IP6K3: variants seen among roughly 807,000 people sequenced by gnomAD.
IP6K3 encodes the protein ATP:1D-myo-inositol-hexakisphosphate phosphotransferase.
In IP6K3, 20 loss-of-function variants were observed where a neutral mutation model predicts 28.8. That is an observed-to-expected ratio of 0.70 (90% confidence interval 0.49 to 1.01). The LOEUF (loss-of-function observed/expected upper bound fraction) is 1.01, where lower values mean the gene tolerates loss of function less well. IP6K3 is among the 50% of genes least tolerant of loss of function. The pLI is 0.00. For missense variants in IP6K3, 480 were observed against 537.1 expected, an observed-to-expected ratio of 0.89 and a Z score of 1.05; for synonymous variants, 213 against 221.3, an observed-to-expected ratio of 0.96 and a Z score of 0.33.
In IP6K3 at chr6:33,723,188, C is replaced by G. The variant is rs1382710983; in HGVS notation, c.766-1G>C. 4 of 1,542,948 alleles carry G rather than the reference C, an allele frequency of 2.6e-6. No individual in the cohort carries two copies. The highest frequency in any genetic ancestry group is 3.5e-6 in the Non-Finnish European group (4 of 1,141,930). On this transcript the variant is annotated splice_acceptor_variant, in intron 5 of 5. Transcript: ENST00000293756. LOFTEE classifies it high-confidence loss of function. ...AGTACTTCTTATCTGTTTGATAAAC[C>G]TTACATTAAAAAGAATAAAGAAAAT...
rs1267840567 is a variant in IP6K3, at chr6:33,722,671, T to A, written c.*49A>T. ...GGACTACCCTAGCAACCAACAGGTC[T>A]CTATTTGAGATCTATAGCCCAGAAG... is the stretch of plus-strand genomic sequence containing the variant. On this transcript the variant is annotated 3_prime_UTR_variant, in exon 6 of 6. Transcript: ENST00000293756. 1 of 1,318,708 alleles carries A rather than the reference T, an allele frequency of 7.6e-7. No homozygotes were observed. Among genetic ancestry groups the A allele is most frequent in the Admixed American group, 2.0e-5 (1 of 50,092 alleles). The allele number at this position is 1,318,708 out of a possible 1,614,324, so 81.7% of individuals were successfully genotyped here.
At chr6:33,724,960 G>A (rs1179394730) in intron 5 of IP6K3, among the ~76,000 whole-genome samples, 1 of 152,150 alleles carries the variant, frequency 6.6e-6, no homozygotes, top group Non-Finnish European at 1.5e-5. Context: ...ATCCAGTGTG[G>A]GCCGGGCGCA....
At position 33,742,629 on chromosome 6, in the gene IP6K3, C is replaced by A. The variant is rs574641735; in HGVS notation, c.-180+4129G>T. Among the ~76,000 whole-genome samples the A allele has an allele frequency of 9.2e-5, 14 of 152,188 alleles. No individual in the cohort carries two copies. The highest frequency in any genetic ancestry group is 2.1e-4 in the Non-Finnish European group (14 of 68,032). On this transcript the variant is annotated intron_variant, in intron 1 of 5. Coordinates refer to ENST00000293756, the MANE Select transcript of IP6K3 (RefSeq NM_054111.5). This position sits in a 1 kb window ranked among gnomAD's most constrained non-coding sequence, Gnocchi z 4.5. ...AATCCCCTAGAGGCACGATAATTCT[C>A]AAATGTATGTAAATATGTTGGTAAT...
the IP6K3 span, among the ~76,000 whole-genome samples, chr6:33,755,884 G>C: frequency 7.2e-5 from 11 of 152,132 alleles, no homozygotes; most frequent in African/African-American, 2.7e-4. Context: ...TATTTTTTGA[G>C]ATGGAGTCTT....
At chr6:33,731,463 G>A (rs1371710361) in intron 2 of IP6K3, among the ~76,000 whole-genome samples, 1 of 152,228 alleles carries the variant, frequency 6.6e-6, no homozygotes, top group Non-Finnish European at 1.5e-5. Context: ...GAGAGCAGAG[G>A]TGCAAATAAC....
At chr6:33,731,520 A>G (rs556126017) in intron 2 of IP6K3, among the ~76,000 whole-genome samples, 1 of 152,246 alleles carries the variant, frequency 6.6e-6, no homozygotes, top group South Asian at 2.1e-4. Flanking sequence ...TCATATTGTC[A>G]GAGTTACACA....
At chr6:33,760,909 C>T in the IP6K3 span, among the ~76,000 whole-genome samples, 3 of 152,202 alleles carry the variant, frequency 2.0e-5, no homozygotes, top group African/African-American at 4.8e-5. Context: ...CCTGCTCTCT[C>T]GATGGGCCTC....
chr6:33,737,963 A>C (rs936929372), intron 1 of IP6K3, among the ~76,000 whole-genome samples: 2 of 152,254 alleles, frequency 1.3e-5, no homozygotes, highest in Admixed American at 6.5e-5. Context: ...AAATTGGCCC[A>C]CAAAAAAAGC....
chr6:33,739,563 G>C (rs762255727), intron 1 of IP6K3, among the ~76,000 whole-genome samples: 3 of 152,232 alleles, frequency 2.0e-5, no homozygotes, highest in Admixed American at 1.3e-4. Context: ...GGAAGAGTAG[G>C]GTTCTTTATC....
chr6:33,751,483 C>CGTGTGTGTGTGTGT (rs762389623), upstream of IP6K3, among the ~76,000 whole-genome samples: 354 of 61,580 alleles, frequency 5.7e-3, 2 homozygotes, highest in African/African-American at 0.013. This position sits in a 1 kb window ranked among gnomAD's most constrained non-coding sequence, Gnocchi z 4.3. Flanking sequence ...CTCTGCAGGC[C>CGTGTGTGTGTGTGT]GTGTGTGTGT....
upstream of IP6K3, among the ~76,000 whole-genome samples, chr6:33,751,011 C>T (rs557010854): frequency 6.6e-6 from 1 of 152,310 alleles, no homozygotes; most frequent in Non-Finnish European, 1.5e-5. The surrounding 1 kb of genome is among the most constrained non-coding windows in gnomAD (Gnocchi z 4.3). Flanking sequence ...GCTCCCCTCT[C>T]GCTGCACCCC....
chr6:33,725,883 A>G (rs1026669922), intron 4 of IP6K3, among the ~76,000 whole-genome samples: 5 of 152,118 alleles, frequency 3.3e-5, no homozygotes, highest in African/African-American at 1.2e-4. Context: ...TCCGAGGTTG[A>G]AATTTAAACG....
the IP6K3 span, among the ~76,000 whole-genome samples, chr6:33,758,969 G>A: frequency 1.3e-5 from 2 of 152,214 alleles, no homozygotes; most frequent in Admixed American, 6.5e-5. Context: ...ATATTTACGT[G>A]TCGTAACACT....
chr6:33,749,397 C>A (rs375664983), upstream of IP6K3, among the ~76,000 whole-genome samples: 1 of 152,118 alleles, frequency 6.6e-6, no homozygotes, highest in East Asian at 1.9e-4. Flanking sequence ...CTTATGCAAT[C>A]AAATAGGGCA....
Position 33,722,804 on chromosome 6 carries a change from G to A in IP6K3, c.1149C>T (p.Thr383=), listed in dbSNP as rs376075358. Residue 383 remains threonine (T), a synonymous_variant, in exon 6 of 6, where the codon ACC becomes ACT. Coordinates refer to ENST00000293756, the MANE Select transcript of IP6K3 (RefSeq NM_054111.5). ...AGCCAGGGTCTGGTCCATCGTAGGT[G>A]GTGTGCTCATTCCAGTAGCCCTTGT... ...TTYKGYWNEH[T]TYDGPDPGYI... is the part of the protein sequence containing the mutation. 1 of 1,614,168 alleles carries A rather than the reference G, an allele frequency of 6.2e-7. No homozygotes were observed. Among genetic ancestry groups the A allele is most frequent in the Middle Eastern group, 1.6e-4 (1 of 6,062 alleles).
upstream of IP6K3, among the ~76,000 whole-genome samples, chr6:33,748,787 C>CAGGGGGAGGGA (rs1442080037): frequency 6.6e-6 from 1 of 151,998 alleles, no homozygotes; most frequent in East Asian, 1.9e-4. Flanking sequence ...TCCCCACACC[C>CAGGGGGAGGGA]AGAGAGGGAA....
chr6:33,735,253 G>A (rs773693658), intron 2 of IP6K3, 25 bp downstream of exon 2: 19 of 1,595,928 alleles, frequency 1.2e-5, no homozygotes, highest in African/African-American at 6.7e-5. Context: ...GCACCCAGAC[G>A]TGGCCTGGCT....
intron 2 of IP6K3, among the ~76,000 whole-genome samples, chr6:33,732,521 G>A (rs958328860): frequency 1.6e-4 from 24 of 152,178 alleles, no homozygotes; most frequent in Non-Finnish European, 3.5e-4. Context: ...ACTGACACCC[G>A]AGTCCACCCC....
the IP6K3 span, among the ~76,000 whole-genome samples, chr6:33,758,058 C>T: frequency 2.0e-5 from 3 of 152,086 alleles, no homozygotes; most frequent in Admixed American, 6.5e-5. Flanking sequence ...GGAGGCGAGT[C>T]GCAGGGCCTC....
Sources: gnomAD v4.1 joint callset for allele counts (sites outside exome capture counted in the v4.1 genomes callset) on GRCh38, gnomAD v4.1.1 for gene constraint, Gnocchi (gnomAD v3.1) non-coding constraint, MANE v1.5 for transcripts, NCBI Gene and HGNC (gene_info 2026-07-23, HGNC 2026-07-21) for gene names.